The following ACAP2 variants were observed in gnomAD, a reference collection of about 807,000 sequenced individuals.
ACAP2 encodes arf-GAP with coiled-coil, ANK repeat and PH domain-containing protein 2.
In ACAP2, 39 loss-of-function variants were observed where a neutral mutation model predicts 115.8. The observed-to-expected ratio is 0.34, with a 90% CI of 0.26 to 0.44. The LOEUF is 0.44. Among genes scored for constraint, ACAP2 ranks in the 20% least tolerant of loss-of-function variants. The probability of loss-of-function intolerance (pLI) is 1.00; values close to 1 mark genes in which losing one functional copy is unlikely to be tolerated. For synonymous variants in ACAP2, 289 were observed against 315.8 expected (o/e 0.92, Z 0.90); for missense variants, 662 against 927.6 (o/e 0.71, Z 3.72).
Position 195,275,088 on chromosome 3 carries a change from A to C in ACAP2, c.*4240T>G, listed in dbSNP as rs1404881934. On this transcript the variant is annotated 3_prime_UTR_variant, in exon 23 of 23. Transcript: ENST00000326793. Reference sequence around the variant, plus strand: ...AAGTAGCTCATCATTTCCAAAAGTTAACCTTTAGCCTTTGTGTAAAATAAA... The same window carrying C: ...AAGTAGCTCATCATTTCCAAAAGTTCACCTTTAGCCTTTGTGTAAAATAAA... 2.4e-4 allele frequency: 37 copies of C among 152,792 alleles called. No individual in the cohort carries two copies. Among genetic ancestry groups the C allele is most frequent in the Admixed American group, 2.0e-3 (30 of 15,308 alleles). The allele number at this position is 152,792 out of a possible 1,614,324, so 9.5% of individuals were successfully genotyped here. A position where few individuals can be genotyped will look rare whatever the true frequency, so the allele number is the denominator to read the frequency against.
intron 4 of ACAP2, among the ~76,000 whole-genome samples, chr3:195,360,869 A>C (rs986290585): frequency 6.6e-6 from 1 of 152,028 alleles, no homozygotes; most frequent in African/African-American, 2.4e-5. Flanking sequence ...GGCCTAATGA[A>C]TATTTAAGAA....
intron 1 of ACAP2, among the ~76,000 whole-genome samples, chr3:195,421,880 T>C (rs573978754): frequency 3.3e-5 from 5 of 152,348 alleles, no homozygotes; most frequent in African/African-American, 1.2e-4. Context: ...AAATATATAG[T>C]AAGTTATTCT....
At chr3:195,293,899 C>T (rs1012405000) in intron 18 of ACAP2, among the ~76,000 whole-genome samples, 2 of 150,374 alleles carry the variant, frequency 1.3e-5, no homozygotes, top group African/African-American at 2.4e-5. Context: ...TTTGGGAGGC[C>T]GAGGCGGGTG....
At position 195,291,802 on chromosome 3, in the gene ACAP2, G is replaced by A. The variant is rs150790981; in HGVS notation, c.1967C>T (p.Thr656Met). 1.2e-5 allele frequency: 19 copies of A among 1,612,524 alleles called. No homozygotes were observed. The highest frequency in any genetic ancestry group is 9.9e-5 in the South Asian group (9 of 90,762). Residue 656 changes from threonine to methionine, a missense_variant, in exon 20 of 23, where the codon ACG becomes ATG. By Grantham distance (81) the Thr-to-Met change is moderately conservative (BLOSUM62 -1). Coordinates refer to ENST00000326793, the MANE Select transcript of ACAP2 (RefSeq NM_012287.6). Reference protein sequence around the residue: ...IQAVLGGSLVTCEFLLQNGAN... With the variant: ...IQAVLGGSLVMCEFLLQNGAN... ...ACCATTCTGTAGGAGGAACTCACAC[G>A]TCACCAAAGAGCCCTTAAAGGAAAA... is the stretch of plus-strand genomic sequence containing the variant.
intron 4 of ACAP2, among the ~76,000 whole-genome samples, chr3:195,374,242 T>C (rs7639146): frequency 0.28 from 42,677 of 151,730 alleles, 6,797 homozygotes; most frequent in East Asian, 0.71. Context: ...AAAATAAAAT[T>C]AGCCAGGCGT....
rs1023843671 is a variant in ACAP2 at position 195,301,662 on chromosome 3, G to C, written c.1326-18C>G. On this transcript the variant is annotated intron_variant, in intron 14 of 22. Transcript: ENST00000326793. ...CAAGGCTCCTAAGTGGAAAAAAGAAGACTGCATTACTATCAAGTCTCTGTT... is the reference window on the plus strand; with the variant it reads ...CAAGGCTCCTAAGTGGAAAAAAGAACACTGCATTACTATCAAGTCTCTGTT... 11 of 1,605,358 alleles carry C rather than the reference G, an allele frequency of 6.9e-6. No homozygotes were observed. The highest frequency in any genetic ancestry group is 9.4e-6 in the Non-Finnish European group (11 of 1,175,192).
chr3:195,298,692 C>T (rs1244701247), intron 15 of ACAP2, among the ~76,000 whole-genome samples: 2 of 152,138 alleles, frequency 1.3e-5, no homozygotes, highest in African/African-American at 4.8e-5. Context: ...AGTGCAATGG[C>T]ACAATCTCGG....
Position 195,277,125 on chromosome 3 carries a change from A to G in ACAP2, c.*2203T>C, listed in dbSNP as rs1726212392. On this transcript the variant is annotated 3_prime_UTR_variant, in exon 23 of 23. Coordinates refer to ENST00000326793, the MANE Select transcript of ACAP2 (RefSeq NM_012287.6). ...CAGAGGTGATCTGAATGAAACACGCACCAATGGCCAGATCCAAAAGGAAAA... is the reference window on the plus strand; with the variant it reads ...CAGAGGTGATCTGAATGAAACACGCGCCAATGGCCAGATCCAAAAGGAAAA... 6.6e-6 allele frequency: 1 copy of G among 152,210 alleles called. No homozygotes were observed. The highest frequency in any genetic ancestry group is 1.5e-5 in the Non-Finnish European group (1 of 68,044). 9.4% of individuals were successfully genotyped at this position (152,210 alleles called of 1,614,324 possible).
At chr3:195,303,346 T>TA (rs1560220317) in intron 13 of ACAP2, among the ~76,000 whole-genome samples, 1 of 150,640 alleles carries the variant, frequency 6.6e-6, no homozygotes, top group African/African-American at 2.5e-5. Flanking sequence ...GAGGGGGCTA[T>TA]TGTAGTAAGC....
At chr3:195,393,378 T>C (rs1293342639) in intron 1 of ACAP2, among the ~76,000 whole-genome samples, 2 of 152,238 alleles carry the variant, frequency 1.3e-5, no homozygotes, top group Admixed American at 6.5e-5. Context: ...AATCATCTTA[T>C]TGACTTGTGA....
At chr3:195,387,186 T>C (rs1734362712) in intron 2 of ACAP2, among the ~76,000 whole-genome samples, 1 of 152,194 alleles carries the variant, frequency 6.6e-6, no homozygotes, top group Non-Finnish European at 1.5e-5. Context: ...ATGACACTGA[T>C]AAATGAGATT....
At chr3:195,369,926 T>G (rs1020523894) in intron 4 of ACAP2, among the ~76,000 whole-genome samples, 1 of 152,158 alleles carries the variant, frequency 6.6e-6, no homozygotes, top group African/African-American at 2.4e-5. Context: ...CAGCATGTGT[T>G]TTTTACTTTT....
intron 1 of ACAP2, among the ~76,000 whole-genome samples, chr3:195,414,950 A>C (rs1167740589): frequency 1.3e-5 from 2 of 152,240 alleles, no homozygotes; most frequent in Non-Finnish European, 2.9e-5. Flanking sequence ...GACAGTAAAA[A>C]TATCAGTAGC....
chr3:195,284,203 A>T (rs2108894953), intron 22 of ACAP2, among the ~76,000 whole-genome samples: 1 of 152,368 alleles, frequency 6.6e-6, no homozygotes, highest in South Asian at 2.1e-4. Context: ...GGGGGAAAAT[A>T]ATTGTTTAAC....
At chr3:195,339,718 T>C (rs73890782) in intron 6 of ACAP2, among the ~76,000 whole-genome samples, 3,555 of 151,928 alleles carry the variant, frequency 0.023, 140 homozygotes, top group African/African-American at 0.081. Context: ...GTGGTGGGCA[T>C]GAGGAGGCAG....
chr3:195,390,321 T>C (rs1734582089), intron 2 of ACAP2, among the ~76,000 whole-genome samples: 1 of 152,166 alleles, frequency 6.6e-6, no homozygotes. Context: ...ATAACACTTG[T>C]CCTATCTAAC....
At chr3:195,299,832 CCT>C (rs1727911700) in intron 15 of ACAP2, among the ~76,000 whole-genome samples, 1 of 151,498 alleles carries the variant, frequency 6.6e-6, no homozygotes, top group Non-Finnish European at 1.5e-5. Flanking sequence ...AGCGAGACTC[CCT>C]CTCAAAAAAA....
chr3:195,429,474 T>G (rs2108854252), intron 1 of ACAP2, among the ~76,000 whole-genome samples: 1 of 151,270 alleles, frequency 6.6e-6, no homozygotes, highest in Middle Eastern at 3.4e-3. Flanking sequence ...ACGCTGAGAA[T>G]AATAATTGAC....
At chr3:195,347,249 C>T (rs1263952243) in intron 4 of ACAP2, among the ~76,000 whole-genome samples, 2 of 152,036 alleles carry the variant, frequency 1.3e-5, no homozygotes, top group East Asian at 1.9e-4. Context: ...ATAAAACCAA[C>T]GAAAAGAGAA....
Sources: allele counts gnomAD v4.1 joint callset (sites outside exome capture counted in the v4.1 genomes callset), GRCh38; gene constraint gnomAD v4.1.1; transcripts MANE v1.5; gene names NCBI Gene and HGNC (gene_info 2026-07-23, HGNC 2026-07-21).